CFAP77: variants seen among roughly 807,000 people sequenced by gnomAD.
The protein encoded by CFAP77 is cilia and flagella associated protein 77, also known as cilia- and flagella-associated protein 77.
In CFAP77, 25 loss-of-function variants were observed where a neutral mutation model predicts 31.1. That is an observed-to-expected ratio of 0.80 (90% CI 0.59 to 1.12). CFAP77 has a LOEUF of 1.12. Ranked by LOEUF, CFAP77 falls within the 50% of genes most tolerant of loss-of-function variation. The pLI is 0.00. For missense variants in CFAP77, 377 were observed against 397.3 expected (o/e 0.95, Z 0.44); for synonymous variants, 151 against 159.9 (o/e 0.94, Z 0.42).
intron 1 of CFAP77, among the ~76,000 whole-genome samples, chr9:132,472,437 T>C (rs1851276206): frequency 6.6e-6 from 1 of 152,200 alleles, no homozygotes; most frequent in Admixed American, 6.5e-5. Flanking sequence ...GTGCTCATGA[T>C]GTAGGCAGGT....
At chr9:132,568,270 T>C (rs938864929) in intron 5 of CFAP77, among the ~76,000 whole-genome samples, 7 of 152,170 alleles carry the variant, frequency 4.6e-5, no homozygotes, top group Non-Finnish European at 8.8e-5. Flanking sequence ...ATAGTGCATA[T>C]ACAGCTGGGC....
chr9:132,557,868 G>T (rs533462221), intron 5 of CFAP77, among the ~76,000 whole-genome samples: 1 of 152,280 alleles, frequency 6.6e-6, no homozygotes, highest in East Asian at 1.9e-4. Context: ...AGAGTCAAGG[G>T]CAGAGGAACG....
At chr9:132,464,980 A>G (rs564394414) in intron 1 of CFAP77, among the ~76,000 whole-genome samples, 58 of 150,480 alleles carry the variant, frequency 3.9e-4, no homozygotes, top group Non-Finnish European at 7.7e-4. Context: ...AGGTTGAGGC[A>G]GGAGAATTAC....
Position 132,565,395 on chromosome 9 carries a change from C to T in CFAP77, c.733-6993C>T, listed in dbSNP as rs570081503. Among the ~76,000 whole-genome samples the T allele has an allele frequency of 2.0e-5, 3 of 151,938 alleles. No homozygotes were observed. Among genetic ancestry groups the T allele is most frequent in the African/African-American group, 4.8e-5 (2 of 41,342 alleles). On this transcript the variant is annotated intron_variant, in intron 5 of 5. Coordinates refer to ENST00000393216, the MANE Select transcript of CFAP77 (RefSeq NM_001282957.2). The surrounding 1 kb of genome is among the most constrained non-coding windows in gnomAD (Gnocchi z 4.1). ...CTGTAATCCCAGCACTTTGGGAGGC[C>T]GAGGTGAGTGGATCACCTGAGGTCA... is the stretch of plus-strand genomic sequence containing the variant.
Position 132,501,277 on chromosome 9 carries a change from C to T in CFAP77, c.524+1677C>T, listed in dbSNP as rs1286805083. On this transcript the variant is annotated intron_variant, in intron 3 of 5. Transcript: ENST00000393216. The surrounding 1 kb of genome is among the most constrained non-coding windows in gnomAD (Gnocchi z 4.6). ...CATTCTCTGAGAAGCTTCTTCCTCA[C>T]CTGCAAATGGCCAGCAGCAGTTCTA... Among the ~76,000 whole-genome samples the T allele has an allele frequency of 1.3e-5, 2 of 152,224 alleles. No individual in the cohort carries two copies. Among genetic ancestry groups the T allele is most frequent in the African/African-American group, 4.8e-5 (2 of 41,452 alleles).
At chr9:132,542,655 A>G (rs1253381622) in intron 4 of CFAP77, among the ~76,000 whole-genome samples, 3 of 152,236 alleles carry the variant, frequency 2.0e-5, no homozygotes, top group African/African-American at 4.8e-5. Flanking sequence ...GACACTGTCC[A>G]TGCCCTGAGG....
intron 1 of CFAP77, chr9:132,482,199 C>G: frequency 8.7e-6 from 4 of 460,358 alleles, no homozygotes; most frequent in Non-Finnish European, 1.5e-5. Flanking sequence ...TTTTTTTTTT[C>G]TTTTCATAGG....
chr9:132,486,960 G>C (rs147922588), intron 1 of CFAP77, among the ~76,000 whole-genome samples: 11,345 of 152,306 alleles, frequency 0.074, 545 homozygotes, highest in Non-Finnish European at 0.12. Context: ...CTGCCCCGGG[G>C]AGCGGGGACC....
chr9:132,532,136 G>A (rs1852463854), intron 3 of CFAP77, among the ~76,000 whole-genome samples: 1 of 152,236 alleles, frequency 6.6e-6, no homozygotes, highest in Non-Finnish European at 1.5e-5. Flanking sequence ...GTTTGTAGCA[G>A]CACCACAGGC....
At chr9:132,469,860 A>T (rs1851222165) in intron 1 of CFAP77, among the ~76,000 whole-genome samples, 1 of 110,872 alleles carries the variant, frequency 9.0e-6, no homozygotes, top group African/African-American at 6.2e-5. Context: ...TTTTTTTGAG[A>T]TGGAGTTTTG....
chr9:132,435,545 C>G (rs1850491413), intron 1 of CFAP77, among the ~76,000 whole-genome samples: 1 of 152,100 alleles, frequency 6.6e-6, no homozygotes, highest in Admixed American at 6.6e-5. Context: ...GAGTATTTCC[C>G]CCTGAATCCA....
intron 3 of CFAP77, among the ~76,000 whole-genome samples, chr9:132,519,673 T>C (rs1852228320): frequency 8.9e-6 from 1 of 111,864 alleles, no homozygotes; most frequent in Non-Finnish European, 1.8e-5. Context: ...GATGGATGGA[T>C]GGATGGATGA....
intron 3 of CFAP77, among the ~76,000 whole-genome samples, chr9:132,507,030 C>G (rs150817383): frequency 2.4e-4 from 36 of 152,310 alleles, no homozygotes; most frequent in African/African-American, 8.4e-4. Flanking sequence ...GCCATCCTGT[C>G]TGGATTTTTC....
chr9:132,530,819 G>A (rs1852431855), intron 3 of CFAP77, among the ~76,000 whole-genome samples: 1 of 152,026 alleles, frequency 6.6e-6, no homozygotes, highest in African/African-American at 2.4e-5. Flanking sequence ...TATATTTTTG[G>A]TGTTGAGTCT....
intron 1 of CFAP77, among the ~76,000 whole-genome samples, chr9:132,443,405 T>C (rs1249627207): frequency 6.6e-6 from 1 of 152,014 alleles, no homozygotes; most frequent in Non-Finnish European, 1.5e-5. Flanking sequence ...AGGCATGTGC[T>C]ACCACACCTG....
chr9:132,555,318 G>A (rs1311880919), intron 5 of CFAP77, among the ~76,000 whole-genome samples: 1 of 152,068 alleles, frequency 6.6e-6, no homozygotes, highest in Non-Finnish European at 1.5e-5. Flanking sequence ...ACCAAACCTC[G>A]TTGCAGTACA....
At chr9:132,518,874 C>T (rs944811) in intron 3 of CFAP77, among the ~76,000 whole-genome samples, 19,487 of 152,242 alleles carry the variant, frequency 0.13, 1,563 homozygotes, top group East Asian at 0.2. Flanking sequence ...CACTGCAGGG[C>T]GATAGGGCTG....
At chr9:132,462,079 T>C (rs1373442163) in intron 1 of CFAP77, among the ~76,000 whole-genome samples, 1 of 151,956 alleles carries the variant, frequency 6.6e-6, no homozygotes, top group Non-Finnish European at 1.5e-5. Context: ...CCCAGAGAGG[T>C]AGCGATTAGT....
At chr9:132,523,767 C>T (rs1852310527) in intron 3 of CFAP77, among the ~76,000 whole-genome samples, 1 of 152,096 alleles carries the variant, frequency 6.6e-6, no homozygotes, top group African/African-American at 2.4e-5. Flanking sequence ...ATTAATATGC[C>T]CAGGCTCGGG....
Sources: gnomAD v4.1 joint callset for allele counts (sites outside exome capture counted in the v4.1 genomes callset) on GRCh38, gnomAD v4.1.1 for gene constraint, Gnocchi (gnomAD v3.1) non-coding constraint, MANE v1.5 for transcripts, NCBI Gene and HGNC (gene_info 2026-07-23, HGNC 2026-07-21) for gene names.